Variants in ADGRL3 observed in about 807,000 individuals in gnomAD.
ADGRL3 encodes adhesion G protein-coupled receptor L3.
In ADGRL3, 62 loss-of-function variants were observed where a neutral mutation model predicts 153.5. That is an observed-to-expected ratio of 0.40 (90% CI 0.33 to 0.50). The LOEUF (loss-of-function observed/expected upper bound fraction) is 0.50, where lower values mean the gene tolerates loss of function less well. ADGRL3 is among the 20% of genes least tolerant of loss of function. The probability of loss-of-function intolerance (pLI) is 0.47; values close to 1 mark genes in which losing one functional copy is unlikely to be tolerated. For synonymous variants in ADGRL3, 710 were observed against 672.5 expected (o/e 1.06, Z -0.86); for missense variants, 1,641 against 1,859.4 (o/e 0.88, Z 2.16).
At chr4:61,753,239 A>C (rs1455800692) in intron 8 of ADGRL3, among the ~76,000 whole-genome samples, 1 of 152,062 alleles carries the variant, frequency 6.6e-6, no homozygotes. Flanking sequence ...AAAAAAAAAA[A>C]AAAAAACAAA....
intron 17 of ADGRL3, among the ~76,000 whole-genome samples, chr4:61,971,326 G>A (rs2099026756): frequency 1.3e-5 from 2 of 151,888 alleles, no homozygotes; most frequent in African/African-American, 4.8e-5. Context: ...CCCCACAACA[G>A]TCCCCAGAGT....
chr4:61,923,327 A>G (rs1250245256), intron 13 of ADGRL3, among the ~76,000 whole-genome samples: 1 of 151,488 alleles, frequency 6.6e-6, no homozygotes, highest in Non-Finnish European at 1.5e-5. Flanking sequence ...TGCTTTACAC[A>G]TTGCCAAATT....
At chr4:61,259,192 A>T (rs1288375320) in intron 1 of ADGRL3, among the ~76,000 whole-genome samples, 1 of 152,130 alleles carries the variant, frequency 6.6e-6, no homozygotes, top group Non-Finnish European at 1.5e-5. Flanking sequence ...TGGGAGGCCG[A>T]GGCGGCGGAT....
At chr4:61,233,698 G>A (rs1455024915) in intron 1 of ADGRL3, among the ~76,000 whole-genome samples, 1 of 152,082 alleles carries the variant, frequency 6.6e-6, no homozygotes, top group Non-Finnish European at 1.5e-5. Context: ...GTGTGTGTGT[G>A]TAGTGCGTGT....
chr4:61,906,124 G>A (rs2098694539), intron 11 of ADGRL3, among the ~76,000 whole-genome samples: 2 of 151,458 alleles, frequency 1.3e-5, no homozygotes, highest in East Asian at 3.9e-4. Context: ...TTTTTCACAA[G>A]TAGCATATTT....
chr4:61,609,386 A>G (rs1320659354), intron 5 of ADGRL3, among the ~76,000 whole-genome samples: 1 of 152,124 alleles, frequency 6.6e-6, no homozygotes, highest in Non-Finnish European at 1.5e-5. Flanking sequence ...TACACCCTAA[A>G]GACTATTTTA....
At chr4:61,680,906 C>A (rs1394773318) in intron 6 of ADGRL3, among the ~76,000 whole-genome samples, 1 of 152,040 alleles carries the variant, frequency 6.6e-6, no homozygotes, top group Non-Finnish European at 1.5e-5. Flanking sequence ...CTTTTCCTGA[C>A]AAAATTTGGA....
chr4:62,038,164 T>C (rs1726120366), intron 24 of ADGRL3, among the ~76,000 whole-genome samples: 2 of 152,178 alleles, frequency 1.3e-5, no homozygotes, highest in Admixed American at 1.3e-4. Context: ...TAACATTTCA[T>C]ATATATAGAA....
intron 1 of ADGRL3, among the ~76,000 whole-genome samples, chr4:61,350,447 A>T (rs67184792): frequency 0.087 from 12,624 of 145,516 alleles, 618 homozygotes; most frequent in South Asian, 0.13. Flanking sequence ...TCTTTACGTT[A>T]TCCCCAATTA....
intron 1 of ADGRL3, among the ~76,000 whole-genome samples, chr4:61,342,992 G>T (rs1371303463): frequency 6.6e-6 from 1 of 152,170 alleles, no homozygotes; most frequent in Non-Finnish European, 1.5e-5. Flanking sequence ...TCACATGGCA[G>T]CAGACAAAGA....
chr4:61,557,345 T>A lies in ADGRL3; in HGVS notation c.260-29882T>A, dbSNP rs564683634. 2.0e-5 allele frequency among the ~76,000 whole-genome samples: 3 copies of A among 152,282 alleles called. No individual in the cohort carries two copies. In the South Asian group the frequency reaches 6.2e-4, roughly 32 times the overall value. On this transcript the variant is annotated intron_variant, in intron 4 of 26. Coordinates refer to ENST00000683033, the MANE Select transcript of ADGRL3 (RefSeq NM_001387552.1). ...ACAAACATATAATCTAAAACAAATTTCCTTTATGAACCTATAATAGATGGA... is the reference window on the plus strand; with the variant it reads ...ACAAACATATAATCTAAAACAAATTACCTTTATGAACCTATAATAGATGGA...
intron 1 of ADGRL3, among the ~76,000 whole-genome samples, chr4:61,307,555 A>T (rs780984468): frequency 1.7e-4 from 26 of 152,192 alleles, no homozygotes; most frequent in Admixed American, 5.2e-4. Context: ...ATTTTGAAAT[A>T]AAAATATTTT....
intron 13 of ADGRL3, among the ~76,000 whole-genome samples, chr4:61,925,079 T>C (rs189985334): frequency 7.4e-4 from 113 of 152,356 alleles, no homozygotes; most frequent in African/African-American, 2.6e-3. Context: ...ACAATTGTAC[T>C]GATTGCCCCT....
At chr4:61,654,871 T>C (rs2150453842) in intron 5 of ADGRL3, among the ~76,000 whole-genome samples, 2 of 152,274 alleles carry the variant, frequency 1.3e-5, no homozygotes, top group East Asian at 3.9e-4. Flanking sequence ...CACTCCAGCT[T>C]GGGCAACAGA....
intron 2 of ADGRL3, among the ~76,000 whole-genome samples, chr4:61,438,710 C>CTTTTT (rs11372072): frequency 3.6e-5 from 5 of 137,928 alleles, no homozygotes; most frequent in Non-Finnish European, 3.1e-5. Context: ...ATCTTTCTTT[C>CTTTTT]TTTTTTTTTT....
At chr4:61,698,565 G>T (rs183012906) in intron 6 of ADGRL3, among the ~76,000 whole-genome samples, 2 of 152,206 alleles carry the variant, frequency 1.3e-5, no homozygotes, top group African/African-American at 4.8e-5. Flanking sequence ...GAGAAAAGAG[G>T]TTACACTCAT....
intron 1 of ADGRL3, among the ~76,000 whole-genome samples, chr4:61,340,712 A>C (rs961112343): frequency 4.6e-5 from 7 of 152,008 alleles, no homozygotes; most frequent in African/African-American, 1.7e-4. Flanking sequence ...CCTCTTTTGA[A>C]GCTAATTTAC....
intron 9 of ADGRL3, among the ~76,000 whole-genome samples, chr4:61,886,793 C>T (rs1393665714): frequency 2.0e-5 from 3 of 151,886 alleles, no homozygotes. Context: ...AGGCGCCCAC[C>T]ATCATGCCCG....
chr4:61,344,849 T>C (rs570106675), intron 1 of ADGRL3, among the ~76,000 whole-genome samples: 33 of 152,018 alleles, frequency 2.2e-4, no homozygotes, highest in African/African-American at 7.7e-4. Flanking sequence ...TGCAATGGTG[T>C]GATCTCAGCT....
Sources: gnomAD v4.1 joint callset for allele counts (sites outside exome capture counted in the v4.1 genomes callset) on GRCh38, gnomAD v4.1.1 for gene constraint, MANE v1.5 for transcripts, NCBI Gene and HGNC (gene_info 2026-07-23, HGNC 2026-07-21) for gene names.